RBFOX2: variants seen among roughly 807,000 people sequenced by gnomAD.
RBFOX2 encodes RNA binding fox-1 homolog 2, also known as RNA binding protein fox-1 homolog 2.
RBFOX2 carries 10 observed loss-of-function variants against 49.1 expected under a neutral mutation model. The observed-to-expected ratio is 0.20, with a 90% CI of 0.13 to 0.35. RBFOX2 has a LOEUF of 0.35. Among genes scored for constraint, RBFOX2 ranks in the 10% least tolerant of loss-of-function variants. RBFOX2 has a pLI of 1.00. For missense variants in RBFOX2, 323 were observed against 486.9 expected (o/e 0.66, Z 3.17); for synonymous variants, 183 against 187.4 (o/e 0.98, Z 0.19).
upstream of RBFOX2, among the ~76,000 whole-genome samples, chr22:35,842,563 A>G (rs529676082): frequency 2.6e-5 from 4 of 152,330 alleles, no homozygotes; most frequent in East Asian, 3.9e-4. Flanking sequence ...TACTAATGGG[A>G]TAACTGTGTT....
chr22:35,967,488 C>T (rs2056632587), intron 1 of RBFOX2, among the ~76,000 whole-genome samples: 1 of 151,610 alleles, frequency 6.6e-6, no homozygotes, highest in Non-Finnish European at 1.5e-5. Context: ...AGCAAGATTA[C>T]ATTAAATTAA....
upstream of RBFOX2, among the ~76,000 whole-genome samples, chr22:35,940,423 A>T (rs948747274): frequency 1.3e-5 from 2 of 152,200 alleles, no homozygotes; most frequent in African/African-American, 4.8e-5. Context: ...GAATGGTTAT[A>T]AACAAAATGC....
At chr22:35,760,121 A>G (rs1938251189) in intron 8 of RBFOX2, 101 bp from the exon 10 acceptor site, 1 of 1,483,022 alleles carries the variant, frequency 6.7e-7, no homozygotes, top group African/African-American at 1.4e-5. Context: ...AGATGGAAAG[A>G]TACGAACCAC....
At chr22:35,948,554 G>A (rs892240493) in intron 1 of RBFOX2, among the ~76,000 whole-genome samples, 5 of 151,964 alleles carry the variant, frequency 3.3e-5, no homozygotes, top group Non-Finnish European at 5.9e-5. Flanking sequence ...GTGTGGTGGT[G>A]CACACCTGTG....
chr22:35,898,343 G>T, intron 1 of RBFOX2: 1 of 638,172 alleles, frequency 1.6e-6, no homozygotes, highest in Non-Finnish European at 3.0e-6. Context: ...GGCTATTGCA[G>T]TAATGGCAGA....
At chr22:35,967,391 A>G (rs572654740) in intron 1 of RBFOX2, among the ~76,000 whole-genome samples, 1 of 146,218 alleles carries the variant, frequency 6.8e-6, no homozygotes, top group South Asian at 2.1e-4. Context: ...ATAAAAAATT[A>G]AAAAAAAAAA....
At chr22:35,794,693 T>A (rs183398681) in intron 2 of RBFOX2, among the ~76,000 whole-genome samples, 1 of 152,002 alleles carries the variant, frequency 6.6e-6, no homozygotes, top group Non-Finnish European at 1.5e-5. Context: ...TTAAACTTCA[T>A]CAGTTCTGAT....
chr22:35,806,096 ACAC>A (rs1950681093), intron 2 of RBFOX2, among the ~76,000 whole-genome samples: 1 of 152,186 alleles, frequency 6.6e-6, no homozygotes, highest in Non-Finnish European at 1.5e-5. Flanking sequence ...CACAGAACGT[ACAC>A]CAGTAAGAGT....
intron 2 of RBFOX2, among the ~76,000 whole-genome samples, chr22:35,792,857 C>T (rs1054158513): frequency 6.6e-6 from 1 of 152,198 alleles, no homozygotes; most frequent in Non-Finnish European, 1.5e-5. Flanking sequence ...TATGCCATTG[C>T]ATAGTATCTC....
intron 1 of RBFOX2, among the ~76,000 whole-genome samples, chr22:36,028,034 A>G (rs2059515594): frequency 6.6e-6 from 1 of 151,534 alleles, no homozygotes; most frequent in Non-Finnish European, 1.5e-5. Flanking sequence ...AGGAATCAGG[A>G]CCCTCTCGGG....
chr22:35,943,840 G>A (rs1387848070), upstream of RBFOX2, among the ~76,000 whole-genome samples: 1 of 152,242 alleles, frequency 6.6e-6, no homozygotes, highest in Non-Finnish European at 1.5e-5. Flanking sequence ...GGGAGGCAGA[G>A]CTTGCAGTGA....
At chr22:35,778,040 A>G in exon 4 of RBFOX2, 1 of 1,613,340 alleles carries the variant, frequency 6.2e-7, no homozygotes, top group East Asian at 2.2e-5. Flanking sequence ...AGCCACGTTC[A>G]TTAAAGATTA....
At chr22:35,996,167 C>T (rs2058181593) in intron 1 of RBFOX2, 1 of 152,134 alleles carries the variant, frequency 6.6e-6, no homozygotes, top group Non-Finnish European at 1.5e-5. Context: ...GATTCTTCTT[C>T]TAACAAAGAA....
chr22:35,833,685 C>A (rs1603358263), intron 1 of RBFOX2, among the ~76,000 whole-genome samples: 1 of 152,034 alleles, frequency 6.6e-6, no homozygotes, highest in Non-Finnish European at 1.5e-5. Flanking sequence ...TATAAAAAAA[C>A]AAAAACATTT....
At chr22:35,939,215 T>C (rs1227299666), upstream of RBFOX2, 1 of 527,402 alleles carries the variant, frequency 1.9e-6, no homozygotes, top group Non-Finnish European at 3.7e-6. Context: ...AACTTCATCA[T>C]ACACTGTGGG....
chr22:35,865,831 A>G (rs2043613911), intron 1 of RBFOX2, among the ~76,000 whole-genome samples: 1 of 152,210 alleles, frequency 6.6e-6, no homozygotes, highest in Non-Finnish European at 1.5e-5. Context: ...TGGCTTCCAG[A>G]GTTTCAGATA....
intron 1 of RBFOX2, chr22:35,898,396 G>A (rs1013679064): frequency 3.9e-5 from 21 of 544,136 alleles, no homozygotes; most frequent in South Asian, 1.7e-4. Flanking sequence ...ATTGTGCAGC[G>A]GCCGCCATCT....
At position 36,014,583 on chromosome 22, in the gene RBFOX2, T is replaced by C. The variant is rs1003343604; in HGVS notation, c.186+13657A>G. Among the ~76,000 whole-genome samples, 4 of 151,990 alleles carry C rather than the reference T, an allele frequency of 2.6e-5. No individual in the cohort carries two copies. The East Asian group carries it at 5.8e-4, about 22-fold the overall frequency. Reference sequence around the variant, plus strand: ...TTCTAACACTGCAAAAAATAACCCATAGTAAAGCTAAAATCCAAAAGGGGT... The same window carrying C: ...TTCTAACACTGCAAAAAATAACCCACAGTAAAGCTAAAATCCAAAAGGGGT... On this transcript the variant is annotated intron_variant, in intron 1 of 13. Coordinates refer to the RBFOX2 transcript ENST00000438146.
chr22:35,837,527 G>A (rs924451047), intron 1 of RBFOX2, among the ~76,000 whole-genome samples: 5 of 150,658 alleles, frequency 3.3e-5, no homozygotes, highest in Admixed American at 6.6e-5. Flanking sequence ...ACACACACAC[G>A]CAGGCACAAC....
Sources: gnomAD v4.1 joint callset for allele counts (sites outside exome capture counted in the v4.1 genomes callset) on GRCh38, gnomAD v4.1.1 for gene constraint, MANE v1.5 for transcripts, NCBI Gene and HGNC (gene_info 2026-07-23, HGNC 2026-07-21) for gene names.